Variants in NDST1 observed in about 807,000 individuals in gnomAD.
NDST1 encodes bifunctional heparan sulfate N-deacetylase/N-sulfotransferase 1.
In NDST1, 35 loss-of-function variants were observed where a neutral mutation model predicts 92.8. The observed-to-expected ratio is 0.38, with a 90% CI of 0.29 to 0.50. The LOEUF (loss-of-function observed/expected upper bound fraction) is 0.50. Among genes scored for constraint, NDST1 ranks in the 20% least tolerant of loss-of-function variants. The probability of loss-of-function intolerance (pLI) is 0.94; values close to 1 mark genes in which losing one functional copy is unlikely to be tolerated. For missense variants in NDST1, 822 were observed against 1,182.7 expected, an observed-to-expected ratio of 0.69 and a Z score of 4.47; for synonymous variants, 493 against 500.3, an observed-to-expected ratio of 0.99 and a Z score of 0.19.
chr5:150,509,224 G>A (rs1753606019), intron 1 of NDST1, among the ~76,000 whole-genome samples: 1 of 152,216 alleles, frequency 6.6e-6, no homozygotes, highest in South Asian at 2.1e-4. Flanking sequence ...AGTCGGGCAT[G>A]CGGGAGGGTG....
intron 2 of NDST1, among the ~76,000 whole-genome samples, chr5:150,523,574 G>A (rs1234506848): frequency 6.6e-6 from 1 of 152,186 alleles, no homozygotes; most frequent in African/African-American, 2.4e-5. Context: ...AAGCAGTCCG[G>A]CCCCAGAGGC....
intron 14 of NDST1, 79 bp downstream of exon 14, chr5:150,551,934 C>G: frequency 1.3e-6 from 2 of 1,574,646 alleles, no homozygotes; most frequent in South Asian, 2.3e-5. Context: ...GATTCTCTTT[C>G]CTTTACCATG....
intron 3 of NDST1, among the ~76,000 whole-genome samples, chr5:150,529,134 G>A (rs1754602440): frequency 6.6e-6 from 1 of 152,068 alleles, no homozygotes; most frequent in Admixed American, 6.6e-5. Context: ...GCTTGTGCTT[G>A]TAATCCCAGC....
rs145850388 is a variant in NDST1 at position 150,530,106 on chromosome 5, T to C, written c.1008+1808T>C. Among the ~76,000 whole-genome samples the C allele has an allele frequency of 2.6e-3, 393 of 152,326 alleles. 5 individuals are homozygous for C. Among genetic ancestry groups the C allele is most frequent in the African/African-American group, 9.0e-3 (373 of 41,570 alleles). Reference sequence around the variant, plus strand: ...AATGGGAAGTTTTCAGGCTATTTCCTGGTGCCCAGGGGTCTCCCATAGGTG... The same window carrying C: ...AATGGGAAGTTTTCAGGCTATTTCCCGGTGCCCAGGGGTCTCCCATAGGTG... On this transcript the variant is annotated intron_variant, in intron 3 of 14. Transcript: ENST00000261797.
At chr5:150,515,761 G>T (rs1481531470) in intron 1 of NDST1, among the ~76,000 whole-genome samples, 2 of 152,184 alleles carry the variant, frequency 1.3e-5, no homozygotes, top group African/African-American at 2.4e-5. Context: ...TGTCCTTGAG[G>T]CCTTGGTGGC....
rs746107098 is a variant in NDST1 at position 150,521,134 on chromosome 5, C to T, written c.-121C>T. The T allele has an allele frequency of 2.5e-4, 224 of 906,816 alleles. 1 individual carries two copies. In the African/African-American group the frequency reaches 3.1e-3, roughly 13 times the overall value. The allele number at this position is 906,816 out of a possible 1,614,324, so 56.2% of individuals were successfully genotyped here. A position where few individuals can be genotyped will look rare whatever the true frequency, so the allele number is the denominator to read the frequency against. On this transcript the variant is annotated 5_prime_UTR_variant, in exon 2 of 15. Transcript: ENST00000261797. The surrounding 1 kb of genome is among the most constrained non-coding windows in gnomAD (Gnocchi z 5.9). ...CACTCCCAGTGCCCCACAAGGGCGT[C>T]GCTTCCTAAGTCTCTGTGAATTTGT...
intron 4 of NDST1, among the ~76,000 whole-genome samples, chr5:150,534,161 A>G (rs1026367216): frequency 6.7e-6 from 1 of 149,886 alleles, no homozygotes; most frequent in East Asian, 2.1e-4. Flanking sequence ...CAGTGGTGCA[A>G]TCACAGCTTA....
At chr5:150,545,281 T>C in intron 10 of NDST1, 31 bp from the exon 11 acceptor site, 1 of 1,613,964 alleles carries the variant, frequency 6.2e-7, no homozygotes, top group Non-Finnish European at 8.5e-7. Context: ...ATGAGTTTTG[T>C]CTGTGAGCCG....
rs1294292834 is a variant in NDST1 at position 150,547,376 on chromosome 5, T to C, written c.2146-842T>C. ...ACCATATTGCCCCAGCCCTGGGCTG[T>C]GTGTGATCCTCAGGGGAGGGGGTTG... On this transcript the variant is annotated intron_variant, in intron 11 of 14. Coordinates refer to ENST00000261797, the MANE Select transcript of NDST1 (RefSeq NM_001543.5). Among the ~76,000 whole-genome samples the C allele has an allele frequency of 2.0e-5, 3 of 152,000 alleles. No homozygotes were observed. The East Asian group carries it at 5.8e-4, about 29-fold the overall frequency.
At chr5:150,528,336 G>A in intron 3 of NDST1, 38 bp downstream of exon 3, 2 of 1,551,652 alleles carry the variant, frequency 1.3e-6, no homozygotes, top group Admixed American at 3.6e-5. Flanking sequence ...AGGCAGGTGG[G>A]GCCTGGCAAG....
intron 6 of NDST1, among the ~76,000 whole-genome samples, chr5:150,537,257 C>T (rs986614456): frequency 6.6e-6 from 1 of 152,160 alleles, no homozygotes; most frequent in South Asian, 2.1e-4. Flanking sequence ...AGGATAACAG[C>T]GATGTTCAGG....
intron 2 of NDST1, among the ~76,000 whole-genome samples, chr5:150,525,323 C>T (rs1754422762): frequency 1.3e-5 from 2 of 152,358 alleles, no homozygotes; most frequent in African/African-American, 2.4e-5. Flanking sequence ...GAGCCTCCAG[C>T]ACCTGGCAGT....
At chr5:150,531,147 G>A (rs1754713001) in intron 3 of NDST1, among the ~76,000 whole-genome samples, 1 of 151,810 alleles carries the variant, frequency 6.6e-6, no homozygotes, top group Non-Finnish European at 1.5e-5. Context: ...TCATTAGCTT[G>A]TACAGTACTG....
chr5:150,539,994 A>C (rs1755172258), intron 7 of NDST1, 88 bp from the exon 8 acceptor site: 41 of 1,527,622 alleles, frequency 2.7e-5, no homozygotes, highest in Non-Finnish European at 3.2e-5. Flanking sequence ...CTTGCAAGCT[A>C]AGGCAGGGTC....
intron 4 of NDST1, among the ~76,000 whole-genome samples, chr5:150,533,591 C>T (rs1254344452): frequency 6.6e-6 from 1 of 152,182 alleles, no homozygotes; most frequent in Admixed American, 6.5e-5. Flanking sequence ...CAGAACCCCT[C>T]AGCTGGTCAT....
chr5:150,527,654 C>T (rs1754533467), intron 2 of NDST1, 150 bp from the exon 3 acceptor site: 5 of 1,086,118 alleles, frequency 4.6e-6, no homozygotes, highest in South Asian at 1.5e-5. Flanking sequence ...TATTATTGTG[C>T]AGGGTGGAGC....
At chr5:150,509,551 C>T (rs745368005) in intron 1 of NDST1, among the ~76,000 whole-genome samples, 1 of 152,094 alleles carries the variant, frequency 6.6e-6, no homozygotes, top group Non-Finnish European at 1.5e-5. Flanking sequence ...GATGGAGTTT[C>T]GCTCAGGCTA....
At chr5:150,507,309 A>G (rs1019985408), upstream of NDST1, among the ~76,000 whole-genome samples, 2 of 150,714 alleles carry the variant, frequency 1.3e-5, no homozygotes, top group Admixed American at 1.3e-4. Context: ...CTGCAGTTCT[A>G]CTGTTGTCAG....
chr5:150,544,072 C>T (rs1054906767), intron 10 of NDST1, among the ~76,000 whole-genome samples: 7 of 152,212 alleles, frequency 4.6e-5, no homozygotes, highest in African/African-American at 7.2e-5. Flanking sequence ...CCACTGCGCC[C>T]GGCCCATCTA....
Sources: gnomAD v4.1 joint callset for allele counts (sites outside exome capture counted in the v4.1 genomes callset) on GRCh38, gnomAD v4.1.1 for gene constraint, Gnocchi (gnomAD v3.1) non-coding constraint, MANE v1.5 for transcripts, NCBI Gene and HGNC (gene_info 2026-07-23, HGNC 2026-07-21) for gene names.